The following PDE4D variants were observed in gnomAD, a reference collection of about 807,000 sequenced individuals.
PDE4D encodes phosphodiesterase 4D.
A neutral mutation model predicts 87.4 loss-of-function variants in PDE4D; 24 were observed. That is an observed-to-expected ratio of 0.27 (90% CI 0.20 to 0.39). PDE4D has a LOEUF of 0.39. Among genes scored for constraint, PDE4D ranks in the 10% least tolerant of loss-of-function variants. The probability of loss-of-function intolerance (pLI) is 1.00; values close to 1 mark genes in which losing one functional copy is unlikely to be tolerated. For synonymous variants in PDE4D, 384 were observed against 383.2 expected (o/e 1.00, Z -0.02); for missense variants, 714 against 1,041.0 (o/e 0.69, Z 4.32).
intron 1 of PDE4D, among the ~76,000 whole-genome samples, chr5:59,380,388 CAAAAAA>C (rs10574102): frequency 9.2e-6 from 1 of 108,958 alleles, no homozygotes; most frequent in Admixed American, 1.0e-4. Context: ...CAAAAGCAAT[CAAAAAA>C]AAAAAAAAAA....
intron 1 of PDE4D, among the ~76,000 whole-genome samples, chr5:59,496,933 C>A (rs1807326304): frequency 1.3e-5 from 2 of 152,120 alleles, no homozygotes; most frequent in Non-Finnish European, 2.9e-5. Context: ...TTGCTTCTGC[C>A]CTTGCCCCTA....
chr5:59,138,500 T>C (rs1205107841), intron 5 of PDE4D, among the ~76,000 whole-genome samples: 2 of 152,192 alleles, frequency 1.3e-5, no homozygotes, highest in African/African-American at 2.4e-5. Flanking sequence ...TTAGTCAGGC[T>C]AGTCTCGAAC....
intron 1 of PDE4D, among the ~76,000 whole-genome samples, chr5:59,880,030 C>T (rs1425170308): frequency 6.6e-6 from 1 of 152,174 alleles, no homozygotes; most frequent in African/African-American, 2.4e-5. Context: ...TGAGCCACTG[C>T]TCCTGGCCTG....
rs745700307 is a variant in PDE4D at position 58,975,105 on chromosome 5, G to A, written c.2014-25C>T. On this transcript the variant is annotated intron_variant, in intron 14 of 14. Coordinates refer to ENST00000340635, the MANE Select transcript of PDE4D (RefSeq NM_001104631.2). The surrounding 1 kb of genome is among the most constrained non-coding windows in gnomAD (Gnocchi z 4.2). ...CCTAGTTAAGAAAAAAATCCAGTAT[G>A]AGTAGAGGACTTGGGACTAAGAAAC... 2.1e-6 allele frequency: 3 copies of A among 1,404,928 alleles called. No individual in the cohort carries two copies. The highest frequency in any genetic ancestry group is 1.8e-5 in the South Asian group (1 of 56,000). The allele number at this position is 1,404,928 out of a possible 1,614,324, so 87.0% of individuals were successfully genotyped here. A position where few individuals can be genotyped will look rare whatever the true frequency, so the allele number is the denominator to read the frequency against.
At chr5:59,252,502 G>C (rs559738929) in intron 1 of PDE4D, among the ~76,000 whole-genome samples, 1 of 151,864 alleles carries the variant, frequency 6.6e-6, no homozygotes, top group African/African-American at 2.4e-5. Context: ...AATAATGACT[G>C]AATATGGTTA....
chr5:60,110,492 G>GA (rs527942902), intron 2 of PDE4D, among the ~76,000 whole-genome samples: 1 of 152,048 alleles, frequency 6.6e-6, no homozygotes, highest in African/African-American at 2.4e-5. Context: ...TTATGAAAAA[G>GA]AAAAAATAAC....
intron 5 of PDE4D, among the ~76,000 whole-genome samples, chr5:59,122,943 TGAGACTAATGGAGTCAAA>T (rs1469039938): frequency 6.6e-6 from 1 of 152,170 alleles, no homozygotes; most frequent in Non-Finnish European, 1.5e-5. Flanking sequence ...ATATTAGAAT[TGAGACTAATGGAGTCAAA>T]GAGTCCTGTA....
intron 2 of PDE4D, among the ~76,000 whole-genome samples, chr5:60,068,809 C>A (rs576935931): frequency 6.6e-6 from 1 of 152,008 alleles, no homozygotes; most frequent in Non-Finnish European, 1.5e-5. Context: ...ACTATGTTGC[C>A]CAGGCTGGCC....
intron 5 of PDE4D, among the ~76,000 whole-genome samples, chr5:59,151,345 C>A (rs750324536): frequency 2.0e-5 from 3 of 152,066 alleles, no homozygotes; most frequent in South Asian, 2.1e-4. Context: ...AAAACATAGT[C>A]ACCTGAGTAA....
rs1037798183 is a variant in PDE4D, at chr5:60,312,193, T to C, written c.-89-126506A>G. Reference sequence around the variant, plus strand: ...GACCTGAACTTAACACTTCACCTAATTGGCCTAACAGACATCTACAGAACT... The same window carrying C: ...GACCTGAACTTAACACTTCACCTAACTGGCCTAACAGACATCTACAGAACT... On this transcript the variant is annotated intron_variant, in intron 1 of 16. Coordinates refer to the PDE4D transcript ENST00000502484. 2.6e-5 allele frequency among the ~76,000 whole-genome samples: 4 copies of C among 151,896 alleles called. No individual in the cohort carries two copies. The South Asian group carries it at 6.3e-4, about 24-fold the overall frequency.
intron 1 of PDE4D, among the ~76,000 whole-genome samples, chr5:60,229,027 T>C (rs576572311): frequency 1.1e-4 from 17 of 152,136 alleles, no homozygotes; most frequent in Non-Finnish European, 1.5e-4. Flanking sequence ...GAACTAAGAA[T>C]AGTTAGGGAT....
chr5:59,503,927 G>T, intron 1 of PDE4D, among the ~76,000 whole-genome samples: 1 of 152,178 alleles, frequency 6.6e-6, no homozygotes, highest in South Asian at 2.1e-4. Context: ...CTGTTATTCT[G>T]TATTCCCATG....
chr5:60,498,346 G>A (rs1749915160), intron 1 of PDE4D, among the ~76,000 whole-genome samples: 1 of 152,094 alleles, frequency 6.6e-6, no homozygotes, highest in Non-Finnish European at 1.5e-5. Flanking sequence ...TGACTCCCTG[G>A]GCAGAGTCCA....
At chr5:59,981,064 CA>C (rs1761877486) in intron 3 of PDE4D, among the ~76,000 whole-genome samples, 1 of 152,036 alleles carries the variant, frequency 6.6e-6, no homozygotes, top group South Asian at 2.1e-4. Context: ...ACAGCCTGGC[CA>C]ACATGGCAAA....
chr5:59,052,171 C>G (rs1404547692), intron 5 of PDE4D, among the ~76,000 whole-genome samples: 3 of 152,132 alleles, frequency 2.0e-5, no homozygotes, highest in African/African-American at 7.2e-5. Context: ...CCTGGGAGTG[C>G]TACTGTAGTT....
chr5:59,295,824 T>C (rs1227477701), intron 1 of PDE4D, among the ~76,000 whole-genome samples: 9 of 149,314 alleles, frequency 6.0e-5, no homozygotes, highest in Admixed American at 2.7e-4. Flanking sequence ...GGGAGTGAAG[T>C]AGGCTAAGTG....
chr5:60,296,014 C>T (rs1434821322), intron 1 of PDE4D, among the ~76,000 whole-genome samples: 1 of 152,178 alleles, frequency 6.6e-6, no homozygotes, highest in Non-Finnish European at 1.5e-5. Flanking sequence ...CTCACGGTGT[C>T]CTCACATGGT....
intron 1 of PDE4D, among the ~76,000 whole-genome samples, chr5:59,580,218 G>T (rs1347417123): frequency 3.9e-5 from 6 of 152,164 alleles, no homozygotes; most frequent in Non-Finnish European, 8.8e-5. Context: ...TTTTGAGTGG[G>T]TCAGCTTCCC....
chr5:60,432,234 T>C (rs142366035), intron 1 of PDE4D, among the ~76,000 whole-genome samples: 1 of 152,202 alleles, frequency 6.6e-6, no homozygotes, highest in East Asian at 1.9e-4. Flanking sequence ...TGTTATGTCT[T>C]TGCTTTGTCT....
Sources: gnomAD v4.1 joint callset for allele counts (sites outside exome capture counted in the v4.1 genomes callset) on GRCh38, gnomAD v4.1.1 for gene constraint, Gnocchi (gnomAD v3.1) non-coding constraint, MANE v1.5 for transcripts, NCBI Gene and HGNC (gene_info 2026-07-23, HGNC 2026-07-21) for gene names.